Variants in ABRA observed in about 807,000 individuals in gnomAD.
ABRA encodes the protein actin binding Rho activating protein.
A neutral mutation model predicts 33.4 loss-of-function variants in ABRA; 25 were observed. The observed-to-expected ratio is 0.75, with a 90% CI of 0.55 to 1.04. The LOEUF (loss-of-function observed/expected upper bound fraction) is 1.04. ABRA is among the 50% of genes least tolerant of loss of function. ABRA has a pLI of 0.00. For synonymous variants in ABRA, 193 were observed against 176.8 expected (o/e 1.09, Z -0.73); for missense variants, 501 against 491.7 (o/e 1.02, Z -0.18).
At chr8:106,761,565 GTGT>G in intron 1 of ABRA, 51 bp from the exon 2 acceptor site, 1 of 1,483,330 alleles carries the variant, frequency 6.7e-7, no homozygotes, top group Non-Finnish European at 9.2e-7. Context: ...TTAACACCGA[GTGT>G]TGTTTTCCCT....
Position 106,761,013 on chromosome 8 carries a change from A to C in ABRA, c.*24T>G, listed in dbSNP as rs763603240. 3 of 1,599,300 alleles carry C rather than the reference A, an allele frequency of 1.9e-6. No individual in the cohort carries two copies. The highest frequency in any genetic ancestry group is 1.1e-5 in the South Asian group (1 of 89,602). On this transcript the variant is annotated 3_prime_UTR_variant, in exon 2 of 2. Coordinates refer to ENST00000311955, the MANE Select transcript of ABRA (RefSeq NM_139166.5). ...TTAGCATTAAGACCATAGTGGGCCA[A>C]ATTTGGCTTTTGTTTTTGAAGGTTC...
In ABRA at chr8:106,769,539, G is replaced by T. The variant is rs551422006; in HGVS notation, c.652C>A (p.Arg218Ser). ...GVQVAVVRIKRPLPSQVNRFT... is the reference protein window; with the variant it reads ...GVQVAVVRIKSPLPSQVNRFT... ...TTCACTTACTGGGAGGGCAAGGGGC[G>T]CTTGATCCTGACCACAGCCACCTGC... is the stretch of plus-strand genomic sequence containing the variant. Residue 218 changes from arginine to serine, a missense_variant, in exon 1 of 2, where the codon CGC (arginine) becomes AGC (serine). Arg to Ser is a moderately radical substitution (Grantham distance 110). Transcript: ENST00000311955. The T allele has an allele frequency of 6.2e-7, 1 of 1,613,288 alleles. No individual in the cohort carries two copies. Among genetic ancestry groups the T allele is most frequent in the African/African-American group, 1.3e-5 (1 of 74,912 alleles).
intron 1 of ABRA, among the ~76,000 whole-genome samples, chr8:106,767,103 A>G (rs1288076236): frequency 6.6e-6 from 1 of 152,200 alleles, no homozygotes; most frequent in Non-Finnish European, 1.5e-5. Flanking sequence ...CAAATTCCCT[A>G]ATATTTCTTC....
rs1405945987 is a variant in ABRA, at chr8:106,770,071, G to C, written c.120C>G (p.Asn40Lys). 2.5e-6 allele frequency: 4 copies of C among 1,613,978 alleles called. No homozygotes were observed. Among genetic ancestry groups the C allele is most frequent in the Non-Finnish European group, 2.5e-6 (3 of 1,179,932 alleles). ...TAGGCTCCTGGGCCTGCCTGATGCT[G>C]TTCTCATTCGCCCACTGCTGCCAAC... ...ARGWQQWANE[N>K]SIRQAQEPTG... Residue 40 changes from asparagine (N) to lysine (K), a missense_variant, in exon 1 of 2, where the codon AAC (asparagine) becomes AAG (lysine). Coordinates refer to ENST00000311955, the MANE Select transcript of ABRA (RefSeq NM_139166.5).
chr8:106,760,974 A>T lies in ABRA; in HGVS notation c.*63T>A. The T allele has an allele frequency of 7.1e-7, 1 of 1,407,916 alleles. No individual in the cohort carries two copies. The highest frequency in any genetic ancestry group is 1.3e-5 in the South Asian group (1 of 76,414). 87.2% of individuals were successfully genotyped at this position (1,407,916 alleles called of 1,614,324 possible). ...TACAGAGAGTTTGCATTTTCATTTT[A>T]CCTACATGAGCATTTAGCATTAAGA... On this transcript the variant is annotated 3_prime_UTR_variant, in exon 2 of 2. Coordinates refer to ENST00000311955, the MANE Select transcript of ABRA (RefSeq NM_139166.5).
At position 106,760,808 on chromosome 8, in the gene ABRA, A is replaced by G. The variant is rs547438339; in HGVS notation, c.*229T>C. 11 of 517,916 alleles carry G rather than the reference A, an allele frequency of 2.1e-5. No individual in the cohort carries two copies. The East Asian group carries it at 2.6e-4, about 12-fold the overall frequency. 32.1% of individuals were successfully genotyped at this position (517,916 alleles called of 1,614,324 possible). On this transcript the variant is annotated 3_prime_UTR_variant, in exon 2 of 2. Transcript: ENST00000311955. The stretch of plus-strand genomic sequence containing the variant: ...ACCCTGTGGAATTTCAACTATTAAT[A>G]CTATTATTATACATTAACATTCTAT...
intron 1 of ABRA, among the ~76,000 whole-genome samples, chr8:106,766,929 T>C (rs1475374731): frequency 1.3e-5 from 2 of 152,244 alleles, no homozygotes; most frequent in African/African-American, 4.8e-5. Flanking sequence ...TTGTCTCTTA[T>C]TCCAAGCGTA....
Position 106,769,520 on chromosome 8 carries a change from T to C in ABRA, c.668+3A>G. The C allele has an allele frequency of 6.2e-7, 1 of 1,610,368 alleles. No individual in the cohort carries two copies. Among genetic ancestry groups the C allele is most frequent in the African/African-American group, 1.3e-5 (1 of 75,008 alleles). On this transcript the variant is annotated splice_donor_region_variant and intron_variant, in intron 1 of 1. Transcript: ENST00000311955. Reference sequence around the variant, plus strand: ...CAAGGAGTGGGAGAATGCATTCACTTACTGGGAGGGCAAGGGGCGCTTGAT... The same window carrying C: ...CAAGGAGTGGGAGAATGCATTCACTCACTGGGAGGGCAAGGGGCGCTTGAT...
chr8:106,764,605 T>C (rs2131631451), intron 1 of ABRA, among the ~76,000 whole-genome samples: 1 of 152,302 alleles, frequency 6.6e-6, no homozygotes, highest in East Asian at 1.9e-4. Context: ...TGAGCCGAGA[T>C]GGTGTAACTA....
intron 1 of ABRA, among the ~76,000 whole-genome samples, chr8:106,767,658 G>A (rs16875066): frequency 0.12 from 18,623 of 152,228 alleles, 1,441 homozygotes; most frequent in East Asian, 0.33. Flanking sequence ...TATGAGAAGT[G>A]AAGCGACAAA....
At chr8:106,769,325 G>C (rs1810558723) in intron 1 of ABRA, among the ~76,000 whole-genome samples, 198 bp downstream of exon 1, 1 of 152,148 alleles carries the variant, frequency 6.6e-6, no homozygotes, top group African/African-American at 2.4e-5. Flanking sequence ...CGCAGGCCCT[G>C]ACCAAAAGGT....
chr8:106,761,468 A>G lies in ABRA; in HGVS notation c.715T>C (p.Tyr239His), dbSNP rs1836139393. 3 of 1,614,152 alleles carry G rather than the reference A, an allele frequency of 1.9e-6. No homozygotes were observed. In the East Asian group the frequency reaches 6.7e-5, roughly 36 times the overall value. ...EKLNCKAQQK[Y>H]SPVGNLKGRW... The stretch of plus-strand genomic sequence containing the variant: ...CCTTTCAAGTTGCCCACTGGGCTAT[A>G]TTTCTGTTGGGCTTTGCAGTTGAGT... Residue 239 changes from tyrosine to histidine, a missense_variant, in exon 2 of 2, where the codon TAT becomes CAT. Transcript: ENST00000311955.
rs1563780285 is a variant in ABRA, at chr8:106,761,498, CTG to C, written c.683_684del (p.Thr228ArgfsTer12). 1 of 1,613,264 alleles carries C rather than the reference CTG, an allele frequency of 6.2e-7. No homozygotes were observed. Among genetic ancestry groups the C allele is most frequent in the Admixed American group, 1.7e-5 (1 of 59,952 alleles). ...TGTTGGGCTTTGCAGTTGAGTTTCT[CTG>C]TAAATCTGTTTACCCTAAAGTAGAG... ...RPLPSQVNRF[T>X]EKLNCKAQQK... is the part of the protein sequence containing the mutation. On this transcript the variant is annotated frameshift_variant, in exon 2 of 2. Transcript: ENST00000311955. LOFTEE classifies it high-confidence loss of function.
chr8:106,760,809 CT>C lies in ABRA; in HGVS notation c.*227del. On this transcript the variant is annotated 3_prime_UTR_variant, in exon 2 of 2. Coordinates refer to ENST00000311955, the MANE Select transcript of ABRA (RefSeq NM_139166.5). ...CCCTGTGGAATTTCAACTATTAATA[CT>C]ATTATTATACATTAACATTCTATGT... 1.9e-6 allele frequency: 1 copy of C among 525,304 alleles called. No individual in the cohort carries two copies. Among genetic ancestry groups the C allele is most frequent in the Non-Finnish European group, 3.4e-6 (1 of 297,792 alleles). The allele number at this position is 525,304 out of a possible 1,614,324, so 32.5% of individuals were successfully genotyped here. A position where few individuals can be genotyped will look rare whatever the true frequency, so the allele number is the denominator to read the frequency against.
chr8:106,769,433 G>A, intron 1 of ABRA, 90 bp downstream of exon 1: 1 of 1,510,104 alleles, frequency 6.6e-7, no homozygotes, highest in Non-Finnish European at 9.0e-7. Flanking sequence ...TCTAACCCTG[G>A]CAGGACTTCA....
intron 1 of ABRA, among the ~76,000 whole-genome samples, chr8:106,765,181 T>C (rs180921717): frequency 6.6e-6 from 1 of 152,210 alleles, no homozygotes; most frequent in South Asian, 2.1e-4. Context: ...CTCAGTTTCT[T>C]CATTATTAGT....
At position 106,761,408 on chromosome 8, in the gene ABRA, A is replaced by G. The variant is rs201763716; in HGVS notation, c.775T>C (p.Ser259Pro). 1.4e-4 allele frequency: 218 copies of G among 1,614,042 alleles called. 1 individual carries two copies. The highest frequency in any genetic ancestry group is 3.3e-4 in the Middle Eastern group (2 of 6,082). Residue 259 changes from serine (S) to proline (P), a missense_variant, in exon 2 of 2, where the codon TCC (serine) becomes CCC (proline). Coordinates refer to ENST00000311955, the MANE Select transcript of ABRA (RefSeq NM_139166.5). ...TCACTGAAAGGATTGAGCTTCTGGGATTGTATGTGTTCATCAGCCCACTGC... is the reference window on the plus strand; with the variant it reads ...TCACTGAAAGGATTGAGCTTCTGGGGTTGTATGTGTTCATCAGCCCACTGC... ...WQQWADEHIQ[S>P]QKLNPFSEEF...
Position 106,769,862 on chromosome 8 carries a change from G to A in ABRA, c.329C>T (p.Ser110Phe), listed in dbSNP as rs144597648. 4.8e-4 allele frequency: 767 copies of A among 1,614,114 alleles called. 3 individuals are homozygous for A. The African/African-American group carries it at 8.6e-3, about 18-fold the overall frequency. Residue 110 changes from serine (S) to phenylalanine (F), a missense_variant, in exon 1 of 2, where the codon TCC (serine) becomes TTC (phenylalanine). Coordinates refer to ENST00000311955, the MANE Select transcript of ABRA (RefSeq NM_139166.5). ...EVSHIKKKEV[S>F]KTVVSKTYER... The stretch of plus-strand genomic sequence containing the variant: ...ATAAGTCTTGCTGACCACCGTTTTG[G>A]ACACCTCTTTCTTTTTGATGTGAGA...
chr8:106,765,923 T>C (rs867221807), intron 1 of ABRA, among the ~76,000 whole-genome samples: 19 of 152,334 alleles, frequency 1.2e-4, no homozygotes, highest in Admixed American at 5.2e-4. Context: ...TGTTCTCTAC[T>C]AAGAGGGACA....
Sources: gnomAD v4.1 joint callset for allele counts (sites outside exome capture counted in the v4.1 genomes callset) on GRCh38, gnomAD v4.1.1 for gene constraint, MANE v1.5 for transcripts, NCBI Gene and HGNC (gene_info 2026-07-23, HGNC 2026-07-21) for gene names.